Variants in KCNH8 observed in about 807,000 individuals in gnomAD.
KCNH8 encodes voltage-gated delayed rectifier potassium channel KCNH8.
A neutral mutation model predicts 103.6 loss-of-function variants in KCNH8; 70 were observed. The ratio of observed to expected loss-of-function variants is 0.68; its 90% CI spans 0.56 to 0.82. The LOEUF is 0.82. Among genes scored for constraint, KCNH8 ranks in the 40% least tolerant of loss-of-function variants. KCNH8 has a pLI of 0.00. For missense variants in KCNH8, 1,217 were observed against 1,329.9 expected, an observed-to-expected ratio of 0.92 and a Z score of 1.32; for synonymous variants, 498 against 489.4, an observed-to-expected ratio of 1.02 and a Z score of -0.23.
At chr3:19,412,870 AT>A (rs2066802848) in intron 7 of KCNH8, among the ~76,000 whole-genome samples, 1 of 152,066 alleles carries the variant, frequency 6.6e-6, no homozygotes, top group Admixed American at 6.6e-5. Context: ...AATATAAAAA[AT>A]AATAGGTGTT....
At chr3:19,407,363 C>A (rs2066707816) in intron 7 of KCNH8, among the ~76,000 whole-genome samples, 1 of 152,010 alleles carries the variant, frequency 6.6e-6, no homozygotes, top group South Asian at 2.1e-4. Context: ...GATTTGGAGC[C>A]CCCAATTGCC....
chr3:19,444,207 A>G (rs569804754), intron 8 of KCNH8, among the ~76,000 whole-genome samples: 9 of 152,206 alleles, frequency 5.9e-5, no homozygotes, highest in Non-Finnish European at 1.3e-4. Context: ...CCAATGAAAT[A>G]GAAGAGAGTT....
Position 19,308,689 on chromosome 3 carries a change from T to C in KCNH8, c.442+27360T>C, listed in dbSNP as rs866528861. 8.6e-4 allele frequency among the ~76,000 whole-genome samples: 58 copies of C among 67,318 alleles called. 5 individuals carry two copies. Among genetic ancestry groups the C allele is most frequent in the African/African-American group, 3.7e-3 (46 of 12,346 alleles). The allele number at this position is 67,318 out of a possible 152,430, so 44.2% of individuals were successfully genotyped here. ...CTCTCTCTCTCTCTCTCTCTCTCTC[T>C]CTCTCTCTCTCTCTCTCTCTCTCTC... On this transcript the variant is annotated intron_variant, in intron 3 of 15. Coordinates refer to ENST00000328405, the MANE Select transcript of KCNH8 (RefSeq NM_144633.3).
chr3:19,257,845 C>T (rs1020216532), intron 2 of KCNH8, among the ~76,000 whole-genome samples: 1 of 152,034 alleles, frequency 6.6e-6, no homozygotes, highest in South Asian at 2.1e-4. Context: ...AGTAGTTCCT[C>T]TAGATGATAG....
chr3:19,276,630 A>G (rs2064677053), intron 2 of KCNH8, among the ~76,000 whole-genome samples: 2 of 152,200 alleles, frequency 1.3e-5, no homozygotes, highest in Non-Finnish European at 2.9e-5. Context: ...TCCTTGTATT[A>G]AGTTATTAAA....
At chr3:19,477,561 C>T (rs528067974) in intron 11 of KCNH8, among the ~76,000 whole-genome samples, 2 of 152,020 alleles carry the variant, frequency 1.3e-5, no homozygotes, top group East Asian at 1.9e-4. Context: ...ACCTGGAAGG[C>T]ATGACACTAT....
intron 7 of KCNH8, among the ~76,000 whole-genome samples, chr3:19,399,335 T>C (rs2066573533): frequency 6.6e-6 from 1 of 151,938 alleles, no homozygotes; most frequent in Admixed American, 6.6e-5. Flanking sequence ...CAAGTAGACC[T>C]TGCATGTTTT....
chr3:19,238,964 G>A (rs1177051664), intron 1 of KCNH8, among the ~76,000 whole-genome samples: 7 of 152,096 alleles, frequency 4.6e-5, no homozygotes, highest in Non-Finnish European at 7.4e-5. Flanking sequence ...CCCAGAAAAC[G>A]TATGTAATTA....
At chr3:19,372,572 C>T (rs1372597462) in intron 5 of KCNH8, among the ~76,000 whole-genome samples, 1 of 152,190 alleles carries the variant, frequency 6.6e-6, no homozygotes, top group Non-Finnish European at 1.5e-5. Flanking sequence ...GACAATTTGA[C>T]TTCCTCTTTT....
At chr3:19,272,191 C>T (rs979235954) in intron 2 of KCNH8, among the ~76,000 whole-genome samples, 1 of 151,960 alleles carries the variant, frequency 6.6e-6, no homozygotes, top group African/African-American at 2.4e-5. Flanking sequence ...ATGGTTTGCC[C>T]ATTCCTCCAG....
At chr3:19,348,245 G>A (rs770437036) in intron 5 of KCNH8, among the ~76,000 whole-genome samples, 1 of 152,002 alleles carries the variant, frequency 6.6e-6, no homozygotes, top group Non-Finnish European at 1.5e-5. Context: ...TGTTTTGTTT[G>A]TACTCTCACA....
intron 11 of KCNH8, among the ~76,000 whole-genome samples, chr3:19,500,202 T>G (rs146776370): frequency 6.6e-6 from 1 of 152,114 alleles, no homozygotes; most frequent in South Asian, 2.1e-4. Flanking sequence ...ACGCCATTAC[T>G]TAATGGTAAA....
At chr3:19,274,209 C>T (rs2064630083) in intron 2 of KCNH8, among the ~76,000 whole-genome samples, 1 of 152,152 alleles carries the variant, frequency 6.6e-6, no homozygotes, top group Non-Finnish European at 1.5e-5. Context: ...AAATACTACA[C>T]ATCTCAATCT....
At position 19,209,967 on chromosome 3, in the gene KCNH8, T is replaced by C. The variant is rs796137915; in HGVS notation, c.77-43687T>C. ...ATACTGCATAAACCAAGGCTAGATATTTGGCTTGAGAGGCCTGCATTTCAG... is the reference window on the plus strand; with the variant it reads ...ATACTGCATAAACCAAGGCTAGATACTTGGCTTGAGAGGCCTGCATTTCAG... On this transcript the variant is annotated intron_variant, in intron 1 of 15. Coordinates refer to ENST00000328405, the MANE Select transcript of KCNH8 (RefSeq NM_144633.3). 9.2e-5 allele frequency among the ~76,000 whole-genome samples: 14 copies of C among 151,992 alleles called. 1 individual carries two copies. The highest frequency in any genetic ancestry group is 3.4e-4 in the African/African-American group (14 of 41,368).
intron 3 of KCNH8, among the ~76,000 whole-genome samples, chr3:19,306,067 G>A (rs1216632430): frequency 1.3e-5 from 2 of 151,966 alleles, no homozygotes; most frequent in Non-Finnish European, 2.9e-5. Context: ...AATGGGAGGA[G>A]AGGATCTGGA....
intron 3 of KCNH8, among the ~76,000 whole-genome samples, chr3:19,293,059 A>G (rs2064950683): frequency 1.3e-5 from 2 of 152,208 alleles, no homozygotes; most frequent in Non-Finnish European, 2.9e-5. Flanking sequence ...GGGTCAGGCA[A>G]TCTAGAGTGT....
At chr3:19,488,567 C>G (rs2068258151) in intron 11 of KCNH8, among the ~76,000 whole-genome samples, 2 of 152,314 alleles carry the variant, frequency 1.3e-5, no homozygotes, top group African/African-American at 4.8e-5. Context: ...CTCACACAGT[C>G]TTTCATAGAA....
At chr3:19,295,710 T>G (rs1244319256) in intron 3 of KCNH8, among the ~76,000 whole-genome samples, 1 of 152,150 alleles carries the variant, frequency 6.6e-6, no homozygotes, top group Non-Finnish European at 1.5e-5. Flanking sequence ...ACTGTGGGTT[T>G]GTACTTCAGT....
intron 7 of KCNH8, among the ~76,000 whole-genome samples, chr3:19,427,757 A>T (rs537290688): frequency 2.0e-5 from 3 of 152,222 alleles, no homozygotes; most frequent in Admixed American, 2.0e-4. Flanking sequence ...TTTCTGGGAG[A>T]AGGGCTGGGG....
Sources: gnomAD v4.1 joint callset for allele counts (sites outside exome capture counted in the v4.1 genomes callset) on GRCh38, gnomAD v4.1.1 for gene constraint, MANE v1.5 for transcripts, NCBI Gene and HGNC (gene_info 2026-07-23, HGNC 2026-07-21) for gene names.